Variants in PVT1 observed in about 807,000 individuals in gnomAD.
PVT1 encodes the protein CXCR4/PVT1 fusion.
At chr8:127,821,685 G>A (rs988217099) in intron 2 of PVT1, among the ~76,000 whole-genome samples, 3 of 152,124 alleles carry the variant, frequency 2.0e-5, no homozygotes, top group South Asian at 2.1e-4. Context: ...GGTGGTGGGC[G>A]CCTGTAGTCC....
chr8:127,836,955 T>C (rs1007934152), intron 2 of PVT1, among the ~76,000 whole-genome samples: 1 of 152,074 alleles, frequency 6.6e-6, no homozygotes, highest in Non-Finnish European at 1.5e-5. Flanking sequence ...CTCTAGGTGA[T>C]GGGCAGTGGA....
chr8:127,938,268 CT>C (rs1563644770), intron 3 of PVT1, among the ~76,000 whole-genome samples: 2 of 152,210 alleles, frequency 1.3e-5, no homozygotes, highest in African/African-American at 4.8e-5. Context: ...AATCTCAGCA[CT>C]TTCCAGGGAA....
chr8:127,805,343 A>G (rs1401169184), intron 2 of PVT1, among the ~76,000 whole-genome samples: 3 of 151,810 alleles, frequency 2.0e-5, no homozygotes, highest in African/African-American at 7.3e-5. Context: ...TATATAGATT[A>G]TGTTTTCTAT....
At chr8:127,824,300 A>T (rs182680173) in intron 2 of PVT1, among the ~76,000 whole-genome samples, 3 of 152,344 alleles carry the variant, frequency 2.0e-5, no homozygotes, top group African/African-American at 7.2e-5. Context: ...AGTGATTATG[A>T]AGGCTGAACA....
intron 3 of PVT1, chr8:127,947,765 C>T (rs1357131063): frequency 4.4e-6 from 2 of 456,334 alleles, no homozygotes; most frequent in African/African-American, 2.0e-5. Context: ...AGTCCAGGGA[C>T]AAGGTTTCTG....
At chr8:128,099,932 G>A (rs1025595596) in intron 6 of PVT1, 1 of 151,924 alleles carries the variant, frequency 6.6e-6, no homozygotes, top group African/African-American at 2.4e-5. Flanking sequence ...CTTCAGTTAC[G>A]TTATAAGTGT....
intron 4 of PVT1, among the ~76,000 whole-genome samples, chr8:128,026,810 T>C (rs371188576): frequency 6.6e-5 from 10 of 152,186 alleles, no homozygotes; most frequent in South Asian, 4.1e-4. Flanking sequence ...ACCTTGTGGA[T>C]CCTCTGCTCT....
intron 3 of PVT1, among the ~76,000 whole-genome samples, chr8:127,982,515 A>G (rs1452310812): frequency 1.3e-5 from 2 of 151,928 alleles, no homozygotes; most frequent in African/African-American, 4.8e-5. Flanking sequence ...CTTTTATATT[A>G]AAAAAACAAA....
intron 4 of PVT1, among the ~76,000 whole-genome samples, chr8:128,026,127 G>C (rs1050526358): frequency 1.3e-5 from 2 of 152,024 alleles, no homozygotes; most frequent in Non-Finnish European, 2.9e-5. Context: ...AATTTTAGTA[G>C]AGATGAGGTT....
chr8:127,927,241 G>A (rs1435781703), intron 3 of PVT1, among the ~76,000 whole-genome samples: 2 of 152,190 alleles, frequency 1.3e-5, no homozygotes, highest in Non-Finnish European at 2.9e-5. Flanking sequence ...ATGATGTGGT[G>A]CAGTGACTAG....
At position 128,085,330 on chromosome 8, in the gene PVT1, C is replaced by G. The variant is rs1052776494; in HGVS notation, n.1115-11188C>G. On this transcript the variant is annotated intron_variant and non_coding_transcript_variant, in intron 5 of 10. Transcript: ENST00000651587. The stretch of plus-strand genomic sequence containing the variant: ...ATGGAAAACTCCAAGTGAGAAGCAC[C>G]CAGCCAAGCCCATCCCAAATTCTTG... 2.0e-5 allele frequency among the ~76,000 whole-genome samples: 3 copies of G among 152,056 alleles called. No homozygotes were observed. The East Asian group carries it at 5.8e-4, about 29-fold the overall frequency.
chr8:127,837,435 G>A (rs185865372), intron 2 of PVT1, among the ~76,000 whole-genome samples: 21 of 150,842 alleles, frequency 1.4e-4, no homozygotes, highest in East Asian at 7.7e-4. Flanking sequence ...GGGGAAATTC[G>A]GAAACCTCAT....
At chr8:127,798,547 T>A (rs1814424469) in intron 2 of PVT1, among the ~76,000 whole-genome samples, 1 of 149,426 alleles carries the variant, frequency 6.7e-6, no homozygotes, top group South Asian at 2.1e-4. Context: ...TGGGCAGGAG[T>A]CATGGGTAGA....
chr8:127,874,815 C>T (rs541176300), intron 2 of PVT1, among the ~76,000 whole-genome samples: 3 of 152,152 alleles, frequency 2.0e-5, no homozygotes, highest in Non-Finnish European at 4.4e-5. Flanking sequence ...TGGTGGGTAC[C>T]CTTCCCACCT....
In PVT1 at chr8:127,968,706, G is replaced by C. The variant is rs192951376; in HGVS notation, n.783-20456G>C. ...CCTTGAACGTGACCTTAGTTGGAAG[G>C]ATCTTTGAGGGCGTAATAAAGTTAT... is the stretch of plus-strand genomic sequence containing the variant. On this transcript the variant is annotated intron_variant and non_coding_transcript_variant, in intron 3 of 10. Transcript: ENST00000651587. Among the ~76,000 whole-genome samples the C allele has an allele frequency of 3.3e-4, 51 of 152,308 alleles. No individual in the cohort carries two copies. The East Asian group carries it at 9.8e-3, about 29-fold the overall frequency.
intron 2 of PVT1, among the ~76,000 whole-genome samples, chr8:127,874,488 T>G (rs1398706991): frequency 6.6e-6 from 1 of 152,152 alleles, no homozygotes; most frequent in Non-Finnish European, 1.5e-5. Flanking sequence ...CTGTGGATCT[T>G]CAATCCCAGT....
chr8:127,839,933 G>A (rs925082533), intron 2 of PVT1, among the ~76,000 whole-genome samples: 7 of 152,198 alleles, frequency 4.6e-5, no homozygotes, highest in African/African-American at 1.7e-4. Flanking sequence ...CCTCCTGCTG[G>A]TGCCTCCCAT....
chr8:127,812,094 G>A (rs1333742830), intron 2 of PVT1, among the ~76,000 whole-genome samples: 1 of 145,696 alleles, frequency 6.9e-6, no homozygotes, highest in East Asian at 2.2e-4. Flanking sequence ...GGGTGACAGG[G>A]TGAGACATCG....
chr8:127,843,990 AT>A (rs887143088), intron 2 of PVT1, among the ~76,000 whole-genome samples: 90 of 147,054 alleles, frequency 6.1e-4, no homozygotes, highest in African/African-American at 2.0e-3. Flanking sequence ...CATTATTATT[AT>A]TTTTTTTTTG....
Sources: gnomAD v4.1 joint callset for allele counts (sites outside exome capture counted in the v4.1 genomes callset) on GRCh38, gnomAD v4.1.1 for gene constraint, MANE v1.5 for transcripts, NCBI Gene and HGNC (gene_info 2026-07-23, HGNC 2026-07-21) for gene names.